Variants in MYO5B observed in about 807,000 individuals in gnomAD.
MYO5B encodes the protein myosin VB, also known as unconventional myosin-Vb.
In MYO5B, 143 loss-of-function variants were observed where a neutral mutation model predicts 229.3. The ratio of observed to expected loss-of-function variants is 0.62; its 90% CI spans 0.54 to 0.72. The LOEUF (loss-of-function observed/expected upper bound fraction) is 0.72, where lower values mean the gene tolerates loss of function less well. Among genes scored for constraint, MYO5B ranks in the 30% least tolerant of loss-of-function variants. The pLI, the probability that MYO5B is intolerant of heterozygous loss-of-function variation, is 0.00. For synonymous variants in MYO5B, 918 were observed against 885.2 expected (o/e 1.04, Z -0.66); for missense variants, 2,321 against 2,331.0 (o/e 1.00, Z 0.09).
At chr18:49,966,094 A>G (rs1277098677) in intron 10 of MYO5B, among the ~76,000 whole-genome samples, 1 of 152,140 alleles carries the variant, frequency 6.6e-6, no homozygotes, top group Admixed American at 6.5e-5. Flanking sequence ...GTGGAGAGAT[A>G]GCACCTGTGC....
intron 10 of MYO5B, among the ~76,000 whole-genome samples, chr18:49,965,455 T>TCTCA (rs1555647768): frequency 6.8e-6 from 1 of 147,098 alleles, no homozygotes; most frequent in Non-Finnish European, 1.5e-5. Flanking sequence ...ACACTTCTTT[T>TCTCA]CACACACACA....
chr18:49,839,472 T>C (rs1379761894), intron 35 of MYO5B, 178 bp from the exon 36 acceptor site: 12 of 683,408 alleles, frequency 1.8e-5, no homozygotes, highest in East Asian at 1.6e-4. Flanking sequence ...TTGATGACCC[T>C]TGAACTTGAA....
At chr18:50,146,175 C>G (rs2032499314) in intron 1 of MYO5B, among the ~76,000 whole-genome samples, 1 of 152,168 alleles carries the variant, frequency 6.6e-6, no homozygotes, top group South Asian at 2.1e-4. Context: ...GGTTGATGGG[C>G]CAGGGGTCAA....
chr18:49,837,802 A>G lies in MYO5B; in HGVS notation c.4853T>C (p.Val1618Ala). 6.2e-7 allele frequency: 1 copy of G among 1,614,042 alleles called. No individual in the cohort carries two copies. The highest frequency in any genetic ancestry group is 8.5e-7 in the Non-Finnish European group (1 of 1,180,018). The change falls in exon 37 of 40, where the codon GTT (valine) becomes GCT (alanine). Residue 1618 changes from valine to alanine, a missense_variant and splice_region_variant. Val to Ala is a moderately conservative substitution (Grantham distance 64). Around this residue, in one of 2 missense-constraint regions of MYO5B, gnomAD observed 208 missense variants for 286.3 expected, o/e 0.73. Transcript: ENST00000285039. ...IAEGVLQPMI[V>A]SAMLENESIQ... ...GCTCTCATTTTCCAACATGGCAGAA[A>G]CTGAAATAAAAGCACAGTTAGAGAA...
rs76519246 is a variant in MYO5B at position 49,926,866 on chromosome 18, C to T, written c.2090+2646G>A. On this transcript the variant is annotated intron_variant, in intron 17 of 39. Coordinates refer to ENST00000285039, the MANE Select transcript of MYO5B (RefSeq NM_001080467.3). Reference sequence around the variant, plus strand: ...TAACAAGGAAGAAAGTTTTGACACACGCTTCAACATGGATGAAGCTTGAAG... The same window carrying T: ...TAACAAGGAAGAAAGTTTTGACACATGCTTCAACATGGATGAAGCTTGAAG... 9.9e-4 allele frequency among the ~76,000 whole-genome samples: 150 copies of T among 152,252 alleles called. 1 individual carries two copies. The East Asian group carries it at 0.02, about 20-fold the overall frequency.
intron 1 of MYO5B, among the ~76,000 whole-genome samples, chr18:50,150,578 C>T (rs534502757): frequency 6.6e-6 from 1 of 151,586 alleles, no homozygotes; most frequent in East Asian, 1.9e-4. Context: ...TAAACTATCG[C>T]AAGAACAAAA....
intron 1 of MYO5B, among the ~76,000 whole-genome samples, chr18:50,076,935 A>G (rs2031093207): frequency 1.3e-5 from 2 of 152,058 alleles, no homozygotes; most frequent in Middle Eastern, 3.2e-3. Context: ...TTGCAAAAAA[A>G]AAAAAATCCA....
rs181518380 is a variant in MYO5B at position 50,160,017 on chromosome 18, G to A, written c.27+34750C>T. ...GAGTCACAAGTTGGACAGTACTCACGCAGACGTGATGGCATGGCCAGGGGT... is the reference window on the plus strand; with the variant it reads ...GAGTCACAAGTTGGACAGTACTCACACAGACGTGATGGCATGGCCAGGGGT... On this transcript the variant is annotated intron_variant, in intron 1 of 39. Transcript: ENST00000285039. Among the ~76,000 whole-genome samples, 3 of 152,346 alleles carry A rather than the reference G, an allele frequency of 2.0e-5. No homozygotes were observed. The East Asian group carries it at 5.8e-4, about 29-fold the overall frequency.
intron 1 of MYO5B, among the ~76,000 whole-genome samples, chr18:50,161,663 C>A (rs1568129244): frequency 6.6e-6 from 1 of 152,178 alleles, no homozygotes; most frequent in Non-Finnish European, 1.5e-5. Context: ...GCAGAAGGAT[C>A]AGTGACCCTT....
intron 1 of MYO5B, among the ~76,000 whole-genome samples, chr18:50,083,147 G>T (rs1032540339): frequency 2.0e-5 from 3 of 152,194 alleles, no homozygotes; most frequent in African/African-American, 7.2e-5. Flanking sequence ...TTCAGGAACA[G>T]CCAAATAGAA....
At chr18:49,990,882 C>T (rs2025924574) in intron 6 of MYO5B, among the ~76,000 whole-genome samples, 1 of 152,228 alleles carries the variant, frequency 6.6e-6, no homozygotes, top group East Asian at 1.9e-4. Flanking sequence ...CAGTACCCTT[C>T]TGTGAGCTCC....
intron 37 of MYO5B, 60 bp from the exon 38 acceptor site, chr18:49,836,945 G>A: frequency 6.5e-7 from 1 of 1,543,150 alleles, no homozygotes. Flanking sequence ...ACTGAGAAGG[G>A]GACACCTGTT....
At chr18:50,173,128 G>C (rs1304889603) in intron 1 of MYO5B, among the ~76,000 whole-genome samples, 1 of 152,162 alleles carries the variant, frequency 6.6e-6, no homozygotes, top group Non-Finnish European at 1.5e-5. Context: ...AGCTGGGCAT[G>C]GTGGCACAAG....
chr18:50,048,676 G>A (rs556455551), intron 2 of MYO5B, among the ~76,000 whole-genome samples: 5 of 152,248 alleles, frequency 3.3e-5, no homozygotes, highest in East Asian at 3.9e-4. Context: ...CACCCTAAGC[G>A]TTCCTGCTCT....
At chr18:50,131,784 C>G (rs1216191736) in intron 1 of MYO5B, among the ~76,000 whole-genome samples, 1 of 152,152 alleles carries the variant, frequency 6.6e-6, no homozygotes, top group Admixed American at 6.5e-5. Flanking sequence ...TCACAAGTTT[C>G]AAAACAGCAG....
intron 1 of MYO5B, among the ~76,000 whole-genome samples, chr18:50,174,204 A>G (rs1390136264): frequency 6.6e-6 from 1 of 152,194 alleles, no homozygotes; most frequent in East Asian, 1.9e-4. Context: ...GCAGACAAAC[A>G]GAATAGGATA....
chr18:50,042,586 A>C (rs1275538333), intron 2 of MYO5B, among the ~76,000 whole-genome samples: 4 of 152,214 alleles, frequency 2.6e-5, no homozygotes, highest in African/African-American at 9.7e-5. Context: ...ACAGGGGGAA[A>C]TGGCGAATGT....
intron 4 of MYO5B, among the ~76,000 whole-genome samples, chr18:50,024,116 T>C (rs2026306209): frequency 1.3e-5 from 2 of 152,174 alleles, no homozygotes; most frequent in Admixed American, 1.3e-4. Flanking sequence ...TTATGATGGA[T>C]TAATATGTGC....
intron 1 of MYO5B, among the ~76,000 whole-genome samples, chr18:50,116,844 CAA>C (rs35037356): frequency 1.0e-4 from 13 of 125,288 alleles, no homozygotes; most frequent in Admixed American, 2.4e-4. Flanking sequence ...ACTGAGTTAC[CAA>C]AAAAAAAAAA....
Sources: allele counts gnomAD v4.1 joint callset (sites outside exome capture counted in the v4.1 genomes callset), GRCh38; gene constraint gnomAD v4.1.1; regional missense constraint gnomAD v4.1.1; transcripts MANE v1.5; gene names NCBI Gene and HGNC (gene_info 2026-07-23, HGNC 2026-07-21).